NFU1: variants seen among roughly 807,000 people sequenced by gnomAD.
NFU1 encodes the protein NFU1 iron-sulfur cluster scaffold homolog, mitochondrial.
NFU1 carries 30 observed loss-of-function variants against 32.2 expected under a neutral mutation model. The observed-to-expected ratio is 0.93, with a 90% confidence interval of 0.70 to 1.26. The LOEUF is 1.26. Ranked by LOEUF, NFU1 falls within the 50% of genes most tolerant of loss-of-function variation. The probability of loss-of-function intolerance (pLI) is 0.00; values close to 1 mark genes in which losing one functional copy is unlikely to be tolerated. For missense variants in NFU1, 306 were observed against 306.6 expected (o/e 1.00, Z 0.02); for synonymous variants, 112 against 104.6 (o/e 1.07, Z -0.43).
intron 5 of NFU1, among the ~76,000 whole-genome samples, chr2:69,407,967 C>T (rs1274606240): frequency 2.0e-5 from 3 of 149,446 alleles, no homozygotes; most frequent in Admixed American, 1.3e-4. Flanking sequence ...GAGCCGAGAT[C>T]GCACCACCGC....
chr2:69,437,383 C>T lies in NFU1; in HGVS notation c.40G>A (p.Val14Ile), dbSNP rs749009548. The change falls in exon 1 of 8, where the codon GTT becomes ATT. Residue 14 changes from valine to isoleucine, a missense_variant. Val to Ile is a conservative substitution (Grantham distance 29). Transcript: ENST00000410022. Reference sequence around the variant, plus strand: ...TACCGCCTGCGCAGCCCGGCGGCAACAGCCGCAGCTCCCCAGCCCCGCCTG... The same window carrying T: ...TACCGCCTGCGCAGCCCGGCGGCAATAGCCGCAGCTCCCCAGCCCCGCCTG... ...TARRGWGAAA[V>I]AAGLRRRFCH... 10 of 1,609,102 alleles carry T rather than the reference C, an allele frequency of 6.2e-6. No homozygotes were observed. Among genetic ancestry groups the T allele is most frequent in the African/African-American group, 2.7e-5 (2 of 74,928 alleles).
chr2:69,424,198 A>AAAAAATATATAT (rs1558840147), intron 2 of NFU1, among the ~76,000 whole-genome samples: 2 of 74,542 alleles, frequency 2.7e-5, no homozygotes, highest in African/African-American at 1.1e-4. Context: ...AAAAAAAAAA[A>AAAAAATATATAT]ATATATATAT....
At chr2:69,412,607 G>A (rs1006805671) in intron 5 of NFU1, among the ~76,000 whole-genome samples, 2 of 151,892 alleles carry the variant, frequency 1.3e-5, no homozygotes, top group African/African-American at 4.8e-5. Context: ...GGCTGGTCTC[G>A]AACTCCTGAC....
chr2:69,396,022 G>A (rs937230195), downstream of NFU1: 1 of 467,088 alleles, frequency 2.1e-6, no homozygotes, highest in South Asian at 3.7e-5. Context: ...GGGAAATGAG[G>A]GACAAAAATA....
At chr2:69,436,630 C>T (rs1265059470) in intron 1 of NFU1, among the ~76,000 whole-genome samples, 1 of 152,184 alleles carries the variant, frequency 6.6e-6, no homozygotes, top group East Asian at 1.9e-4. Context: ...TACATTTAAA[C>T]TTCAAGAGCA....
chr2:69,415,328 T>C (rs750719069), intron 4 of NFU1, 29 bp from the exon 5 acceptor site: 1 of 1,378,882 alleles, frequency 7.3e-7, no homozygotes, highest in South Asian at 1.2e-5. Context: ...AAATGCTGTA[T>C]TTCCAGGCAA....
chr2:69,439,065 C>A (rs1379574753), upstream of NFU1, among the ~76,000 whole-genome samples: 2 of 152,052 alleles, frequency 1.3e-5, no homozygotes, highest in Non-Finnish European at 2.9e-5. Flanking sequence ...AAGAAAAATC[C>A]TGCCTTGCCC....
At chr2:69,437,278 G>A (rs1558858800) in intron 1 of NFU1, 83 bp downstream of exon 1, 2 of 1,538,190 alleles carry the variant, frequency 1.3e-6, no homozygotes, top group Non-Finnish European at 8.7e-7. Context: ...CACCCGCCTC[G>A]AGAGAGGGTC....
chr2:69,398,840 C>T (rs1042305781), intron 7 of NFU1, among the ~76,000 whole-genome samples: 6 of 152,148 alleles, frequency 3.9e-5, no homozygotes, highest in Admixed American at 3.9e-4. Flanking sequence ...TCTATATAGA[C>T]CTGCTCACTG....
At chr2:69,436,599 A>C (rs1673845749) in intron 1 of NFU1, among the ~76,000 whole-genome samples, 1 of 152,210 alleles carries the variant, frequency 6.6e-6, no homozygotes, top group Non-Finnish European at 1.5e-5. Context: ...AAATTCTACC[A>C]ACTTAAATCT....
At chr2:69,399,427 C>T (rs776067686) in intron 7 of NFU1, 27 of 451,274 alleles carry the variant, frequency 6.0e-5, no homozygotes, top group South Asian at 3.6e-4. Flanking sequence ...TTGTGCTACA[C>T]GTAAAGCTCT....
chr2:69,437,477 G>C, upstream of NFU1: 1 of 1,581,930 alleles, frequency 6.3e-7, no homozygotes, highest in Non-Finnish European at 8.6e-7. Flanking sequence ...GATCTGCGCA[G>C]CCGCAGGCTG....
intron 1 of NFU1, among the ~76,000 whole-genome samples, chr2:69,432,698 A>C (rs1163297841): frequency 6.6e-6 from 1 of 152,204 alleles, no homozygotes; most frequent in Non-Finnish European, 1.5e-5. Context: ...AAAATTTAGA[A>C]TTAGGCAATA....
upstream of NFU1, among the ~76,000 whole-genome samples, chr2:69,438,477 G>C (rs866101736): frequency 9.2e-5 from 14 of 152,024 alleles, no homozygotes; most frequent in African/African-American, 2.9e-4. Flanking sequence ...TGTGTTGCCT[G>C]GGCTGCTCTT....
chr2:69,412,428 C>G (rs148751406), intron 5 of NFU1, among the ~76,000 whole-genome samples: 2,405 of 151,742 alleles, frequency 0.016, 76 homozygotes, highest in African/African-American at 0.054. Flanking sequence ...GCCCTGTCTC[C>G]CAGGCTGGAG....
intron 4 of NFU1, among the ~76,000 whole-genome samples, chr2:69,416,852 C>T (rs1312007740): frequency 2.0e-5 from 3 of 152,184 alleles, no homozygotes; most frequent in Middle Eastern, 3.4e-3. Flanking sequence ...GAGCCGAGAT[C>T]GTGCCACTGC....
At chr2:69,439,069 C>T (rs1441679815), upstream of NFU1, among the ~76,000 whole-genome samples, 1 of 152,056 alleles carries the variant, frequency 6.6e-6, no homozygotes. Flanking sequence ...AAAATCCTGC[C>T]TTGCCCCAAA....
upstream of NFU1, among the ~76,000 whole-genome samples, chr2:69,438,127 A>C (rs1198083959): frequency 6.6e-6 from 1 of 152,030 alleles, no homozygotes; most frequent in Non-Finnish European, 1.5e-5. Context: ...ACTAGGGGCC[A>C]AAAAAAAGCA....
Position 69,437,388 on chromosome 2 carries a change from G to C in NFU1, c.35C>G (p.Ala12Gly). The C allele has an allele frequency of 6.2e-7, 1 of 1,609,550 alleles. No individual in the cohort carries two copies. Among genetic ancestry groups the C allele is most frequent in the South Asian group, 1.1e-5 (1 of 90,956 alleles). Reference protein sequence around the residue: ...AATARRGWGAAAVAAGLRRRF... With the variant: ...AATARRGWGAGAVAAGLRRRF... ...CCTGCGCAGCCCGGCGGCAACAGCC[G>C]CAGCTCCCCAGCCCCGCCTGGCCGT... The change falls in exon 1 of 8, where the codon GCG (alanine) becomes GGG (glycine). Residue 12 changes from alanine (A) to glycine (G), a missense_variant. By Grantham distance (60) the Ala-to-Gly change is moderately conservative. Coordinates refer to ENST00000410022, the MANE Select transcript of NFU1 (RefSeq NM_001002755.4).
Sources: allele counts gnomAD v4.1 joint callset (sites outside exome capture counted in the v4.1 genomes callset), GRCh38; gene constraint gnomAD v4.1.1; transcripts MANE v1.5; gene names NCBI Gene and HGNC (gene_info 2026-07-23, HGNC 2026-07-21).